Variants in HACE1 observed in about 807,000 individuals in gnomAD.
HACE1 encodes HECT domain and ankyrin repeat containing E3 ubiquitin protein ligase 1, also known as E3 ubiquitin-protein ligase HACE1.
A neutral mutation model predicts 118.4 loss-of-function variants in HACE1; 73 were observed. The ratio of observed to expected loss-of-function variants is 0.62; its 90% CI spans 0.51 to 0.75. The LOEUF (loss-of-function observed/expected upper bound fraction) is 0.75. Ranked by LOEUF, HACE1 falls within the 30% of genes least tolerant of loss-of-function variation. The pLI is 0.00. For missense variants in HACE1, 749 were observed against 1,102.2 expected (o/e 0.68, Z 4.54); for synonymous variants, 368 against 374.8 (o/e 0.98, Z 0.21).
chr6:104,835,344 G>C lies in HACE1; in HGVS notation c.403-2171C>G, dbSNP rs546229083. ...AAAAGTAGGGGGAAAAAGGAACCAT[G>C]AATATTCAAGAAAAAACTATATTTA... is the stretch of plus-strand genomic sequence containing the variant. On this transcript the variant is annotated intron_variant, in intron 5 of 23. Coordinates refer to ENST00000262903, the MANE Select transcript of HACE1 (RefSeq NM_020771.4). Among the ~76,000 whole-genome samples the C allele has an allele frequency of 9.9e-5, 15 of 152,134 alleles. No individual in the cohort carries two copies. In the South Asian group the frequency reaches 3.1e-3, roughly 32 times the overall value.
chr6:104,731,647 A>AT (rs1462481306), intron 22 of HACE1: 7 of 152,214 alleles, frequency 4.6e-5, no homozygotes, highest in South Asian at 2.1e-4. Flanking sequence ...GTGTGTTGGG[A>AT]AAACCGGATA....
At chr6:104,745,616 T>C (rs899039387) in intron 20 of HACE1, among the ~76,000 whole-genome samples, 1 of 151,998 alleles carries the variant, frequency 6.6e-6, no homozygotes, top group Non-Finnish European at 1.5e-5. Context: ...AATTTTTTTG[T>C]AGTTTTAGTA....
intron 11 of HACE1, among the ~76,000 whole-genome samples, chr6:104,788,640 T>G (rs1307156575): frequency 6.6e-6 from 1 of 152,094 alleles, no homozygotes; most frequent in Non-Finnish European, 1.5e-5. Context: ...ATTGTAAGTC[T>G]ATGAAACCAT....
At chr6:104,797,776 G>A (rs1189999837) in intron 7 of HACE1, among the ~76,000 whole-genome samples, 1 of 151,956 alleles carries the variant, frequency 6.6e-6, no homozygotes, top group East Asian at 1.9e-4. Flanking sequence ...TGATTCTTAA[G>A]AAATGCCCAG....
At chr6:104,819,028 G>A (rs773092137) in intron 6 of HACE1, among the ~76,000 whole-genome samples, 13 of 152,158 alleles carry the variant, frequency 8.5e-5, no homozygotes, top group Non-Finnish European at 1.8e-4. Flanking sequence ...AGTATTGGAG[G>A]TTCTGGCCAG....
chr6:104,816,600 C>T (rs1054690353), intron 6 of HACE1, among the ~76,000 whole-genome samples: 2 of 152,180 alleles, frequency 1.3e-5, no homozygotes, highest in Non-Finnish European at 2.9e-5. Context: ...AGGAGTAGAG[C>T]CTTCATGGAG....
In HACE1 at chr6:104,741,716, G is replaced by A. The variant is rs866646389; in HGVS notation, c.2513+2444C>T. Among the ~76,000 whole-genome samples, 69 of 149,462 alleles carry A rather than the reference G, an allele frequency of 4.6e-4. 1 individual carries two copies. The highest frequency in any genetic ancestry group is 3.9e-3 in the Admixed American group (58 of 14,936). On this transcript the variant is annotated intron_variant, in intron 22 of 23. Transcript: ENST00000262903. ...CTCATGGGTAGGAAGAATCATTATC[G>A]TGAAAATGGCCATACTGCCCAAGGT...
At chr6:104,812,267 CCCCA>C (rs1173143986) in intron 6 of HACE1, among the ~76,000 whole-genome samples, 2 of 151,942 alleles carry the variant, frequency 1.3e-5, no homozygotes, top group African/African-American at 4.8e-5. Flanking sequence ...CATAGTGAGA[CCCCA>C]TTTTTACAAA....
intron 22 of HACE1, among the ~76,000 whole-genome samples, chr6:104,737,978 T>TCTGAGAAC (rs1776121489): frequency 6.6e-6 from 1 of 152,170 alleles, no homozygotes; most frequent in Non-Finnish European, 1.5e-5. Flanking sequence ...CAGCTGGAGA[T>TCTGAGAAC]CTGAGAACGG....
At chr6:104,789,980 C>G (rs531929004) in intron 11 of HACE1, among the ~76,000 whole-genome samples, 66 of 152,038 alleles carry the variant, frequency 4.3e-4, no homozygotes, top group African/African-American at 1.6e-3. Flanking sequence ...GTCGTCACTC[C>G]TAACTAGAGC....
chr6:104,813,118 G>A (rs765931812), intron 6 of HACE1, among the ~76,000 whole-genome samples: 1 of 137,996 alleles, frequency 7.2e-6, no homozygotes, highest in Non-Finnish European at 1.6e-5. Flanking sequence ...CAAGTAGAAG[G>A]AATTAAAAGC....
At chr6:104,856,441 G>GT (rs35348044) in intron 1 of HACE1, among the ~76,000 whole-genome samples, 10,883 of 148,526 alleles carry the variant, frequency 0.073, 1,297 homozygotes, top group African/African-American at 0.25. Context: ...TTATTTATGT[G>GT]TTTTTTTTTT....
At chr6:104,818,937 T>C (rs1179366864) in intron 6 of HACE1, among the ~76,000 whole-genome samples, 1 of 152,052 alleles carries the variant, frequency 6.6e-6, no homozygotes, top group Non-Finnish European at 1.5e-5. Flanking sequence ...AGTATCATAA[T>C]GAATGGGCAA....
chr6:104,851,245 G>A (rs1465319155), intron 2 of HACE1, among the ~76,000 whole-genome samples: 5 of 152,000 alleles, frequency 3.3e-5, no homozygotes, highest in African/African-American at 7.3e-5. Context: ...CACTACACCC[G>A]GCTAATTTTT....
intron 6 of HACE1, among the ~76,000 whole-genome samples, chr6:104,817,068 C>T (rs1772197171): frequency 6.6e-6 from 1 of 152,142 alleles, no homozygotes; most frequent in South Asian, 2.1e-4. Context: ...TTTACAGGCT[C>T]ATAGGCAGAA....
intron 22 of HACE1, among the ~76,000 whole-genome samples, chr6:104,735,517 G>A (rs1775721877): frequency 6.6e-6 from 1 of 152,040 alleles, no homozygotes; most frequent in East Asian, 1.9e-4. Context: ...TATAGTCCCA[G>A]CTACTTGGGA....
At chr6:104,851,405 G>A (rs1180712731) in intron 2 of HACE1, among the ~76,000 whole-genome samples, 1 of 152,090 alleles carries the variant, frequency 6.6e-6, no homozygotes, top group East Asian at 1.9e-4. Flanking sequence ...GATTCTTCAG[G>A]TTTTGTCCCA....
intron 4 of HACE1, among the ~76,000 whole-genome samples, chr6:104,844,034 GT>G (rs1168939477): frequency 1.2e-3 from 164 of 140,542 alleles, no homozygotes; most frequent in Middle Eastern, 3.6e-3. Flanking sequence ...TTTTGTATGG[GT>G]TTTTTTTTTT....
chr6:104,750,496 A>G, intron 19 of HACE1, 24 bp from the exon 20 acceptor site: 1 of 1,609,256 alleles, frequency 6.2e-7, no homozygotes, highest in Non-Finnish European at 8.5e-7. Flanking sequence ...AGTTTTCATG[A>G]TGACTTTTCA....
Sources: gnomAD v4.1 joint callset for allele counts (sites outside exome capture counted in the v4.1 genomes callset) on GRCh38, gnomAD v4.1.1 for gene constraint, MANE v1.5 for transcripts, NCBI Gene and HGNC (gene_info 2026-07-23, HGNC 2026-07-21) for gene names.